Variants in RTTN observed in about 807,000 individuals in gnomAD.
RTTN encodes the protein rotatin.
In RTTN, 182 loss-of-function variants were observed where a neutral mutation model predicts 269.2. The observed-to-expected ratio is 0.68, with a 90% CI of 0.60 to 0.76. RTTN has a LOEUF of 0.76. Among genes scored for constraint, RTTN ranks in the 30% least tolerant of loss-of-function variants. The pLI, the probability that RTTN is intolerant of heterozygous loss-of-function variation, is 0.00. For missense variants in RTTN, 2,545 were observed against 2,608.6 expected (o/e 0.98, Z 0.53); for synonymous variants, 1,006 against 963.5 (o/e 1.04, Z -0.82).
At chr18:70,166,409 A>T (rs1013370525) in intron 13 of RTTN, 4 of 352,812 alleles carry the variant, frequency 1.1e-5, no homozygotes, top group Non-Finnish European at 2.0e-5. Flanking sequence ...AAATGTCTTT[A>T]AAATCCCCTA....
intron 32 of RTTN, among the ~76,000 whole-genome samples, chr18:70,075,845 C>A (rs1362932092): frequency 6.6e-6 from 1 of 151,844 alleles, no homozygotes; most frequent in Admixed American, 6.6e-5. Context: ...TATACTTGCA[C>A]CAAAAACACA....
chr18:70,132,160 C>T (rs546684087), intron 23 of RTTN, among the ~76,000 whole-genome samples: 83 of 152,048 alleles, frequency 5.5e-4, no homozygotes, highest in Non-Finnish European at 9.7e-4. Flanking sequence ...AATTACATGG[C>T]CTCAAAATAC....
At chr18:70,051,322 C>A (rs890553633) in intron 39 of RTTN, 89 bp downstream of exon 39, 4 of 1,411,230 alleles carry the variant, frequency 2.8e-6, no homozygotes, top group Non-Finnish European at 3.8e-6. Flanking sequence ...AATTACTTAA[C>A]TTTAGTGAAT....
intron 27 of RTTN, among the ~76,000 whole-genome samples, chr18:70,110,927 C>G (rs1213264198): frequency 6.6e-6 from 1 of 152,214 alleles, no homozygotes; most frequent in Non-Finnish European, 1.5e-5. Context: ...TTTACACTCA[C>G]AGTGTAAACT....
chr18:70,193,297 G>A lies in RTTN; in HGVS notation c.998C>T (p.Ala333Val), dbSNP rs577076002. The stretch of plus-strand genomic sequence containing the variant: ...CACTGCTAGCAGTCACCTAGAGGAC[G>A]CTGCATCCCAGTCCTGGCCATCTCC... Reference protein sequence around the residue: ...PRGDGQDWDAASSSGSSSHAH... With the variant: ...PRGDGQDWDAVSSSGSSSHAH... Residue 333 changes from alanine to valine, a missense_variant, in exon 8 of 49, where the codon GCG becomes GTG. Coordinates refer to ENST00000640769, the MANE Select transcript of RTTN (RefSeq NM_173630.4). The A allele has an allele frequency of 4.8e-5, 78 of 1,609,978 alleles. No homozygotes were observed. The South Asian group carries it at 5.0e-4, about 10-fold the overall frequency.
At position 70,092,120 on chromosome 18, in the gene RTTN, C is replaced by T. The variant is rs376532876; in HGVS notation, c.4133G>A (p.Arg1378Gln). The T allele has an allele frequency of 6.2e-6, 10 of 1,604,432 alleles. No individual in the cohort carries two copies. The highest frequency in any genetic ancestry group is 3.3e-5 in the Admixed American group (2 of 59,916). Reference protein sequence around the residue: ...LAWLIPLWVDRDPEVRFTSLG... With the variant: ...LAWLIPLWVDQDPEVRFTSLG... ...CTCCTTCACACTCACCTCTGGGTCC[C>T]GATCAACCCATAATGGAATCAACCA... Residue 1378 changes from arginine to glutamine, a missense_variant, in exon 30 of 49, where the codon CGG becomes CAG. By Grantham distance (43) the Arg-to-Gln change is conservative (BLOSUM62 1). Transcript: ENST00000640769.
intron 17 of RTTN, 103 bp from the exon 18 acceptor site, chr18:70,145,886 G>A: frequency 1.2e-6 from 1 of 850,846 alleles, no homozygotes; most frequent in Non-Finnish European, 1.8e-6. Flanking sequence ...AGTACAATAA[G>A]TAGTCACAAT....
intron 26 of RTTN, among the ~76,000 whole-genome samples, chr18:70,116,834 G>A (rs1302241175): frequency 6.6e-6 from 1 of 151,920 alleles, no homozygotes; most frequent in Non-Finnish European, 1.5e-5. Context: ...GCCAGCCAAG[G>A]AAAATATATA....
intron 14 of RTTN, among the ~76,000 whole-genome samples, chr18:70,159,847 A>G (rs557069341): frequency 6.6e-6 from 1 of 152,270 alleles, no homozygotes; most frequent in Admixed American, 6.5e-5. Context: ...TTCTGGAAAT[A>G]TACAAACTCC....
chr18:70,092,684 C>T lies in RTTN; in HGVS notation c.4024G>A (p.Gly1342Arg). The change falls in exon 29 of 49, where the codon GGG becomes AGG. Residue 1342 changes from glycine (G) to arginine (R), a missense_variant. By Grantham distance (125) the Gly-to-Arg change is moderately radical. Transcript: ENST00000640769. Reference sequence around the variant, plus strand: ...AGCTTTAACGCGCTCACCAAGCTCCCAGCCTGGGCCATCATCTCATGGGAT... The same window carrying T: ...AGCTTTAACGCGCTCACCAAGCTCCTAGCCTGGGCCATCATCTCATGGGAT... ...HLSHEMMAQA[G>R]SLEWMSLWFL... is the part of the protein sequence containing the mutation. The T allele has an allele frequency of 5.0e-6, 8 of 1,612,470 alleles. No homozygotes were observed. Among genetic ancestry groups the T allele is most frequent in the Non-Finnish European group, 6.8e-6 (8 of 1,178,874 alleles).
chr18:70,192,079 T>C (rs2061685018), intron 8 of RTTN, among the ~76,000 whole-genome samples: 1 of 152,152 alleles, frequency 6.6e-6, no homozygotes, highest in South Asian at 2.1e-4. Context: ...AGGATGATAA[T>C]AATAATACTA....
chr18:70,203,352 G>A (rs1193921971), intron 3 of RTTN, among the ~76,000 whole-genome samples: 2 of 152,048 alleles, frequency 1.3e-5, no homozygotes, highest in Admixed American at 6.6e-5. Context: ...ACAGGCGCCC[G>A]CCACTATGTC....
At chr18:70,013,474 C>T (rs1327114596) in intron 46 of RTTN, among the ~76,000 whole-genome samples, 1 of 142,604 alleles carries the variant, frequency 7.0e-6, no homozygotes, top group Non-Finnish European at 1.5e-5. Context: ...GCAAGTGGAT[C>T]GACTTTTTTA....
intron 43 of RTTN, among the ~76,000 whole-genome samples, chr18:70,027,228 T>C (rs1393217084): frequency 3.3e-5 from 5 of 152,184 alleles, no homozygotes; most frequent in Non-Finnish European, 7.3e-5. Flanking sequence ...GTTATGCATA[T>C]GCAAACAGCA....
intron 34 of RTTN, among the ~76,000 whole-genome samples, chr18:70,066,246 A>G (rs17082051): frequency 0.06 from 9,142 of 152,250 alleles, 328 homozygotes; most frequent in African/African-American, 0.1. Flanking sequence ...ATACCACCTT[A>G]ACTATAATTT....
In RTTN at chr18:70,103,519, G is replaced by A. The variant is rs372718203; in HGVS notation, c.3903+5979C>T. The stretch of plus-strand genomic sequence containing the variant: ...ACTCAGGGTTAAATGGATTAAGGGC[G>A]GTGCAAGATGTGCTTTGTTAAACAG... On this transcript the variant is annotated intron_variant, in intron 28 of 48. Transcript: ENST00000640769. 9.7e-4 allele frequency among the ~76,000 whole-genome samples: 147 copies of A among 152,014 alleles called. 1 individual carries two copies. Among genetic ancestry groups the A allele is most frequent in the Non-Finnish European group, 1.3e-3 (86 of 67,984 alleles).
intron 26 of RTTN, among the ~76,000 whole-genome samples, chr18:70,117,291 C>G (rs986913386): frequency 6.6e-5 from 10 of 152,048 alleles, no homozygotes; most frequent in Non-Finnish European, 1.2e-4. Flanking sequence ...CTTCTTAAAT[C>G]ATTTCTCACT....
At chr18:70,050,896 G>A (rs181817230) in intron 39 of RTTN, among the ~76,000 whole-genome samples, 6 of 152,234 alleles carry the variant, frequency 3.9e-5, no homozygotes, top group African/African-American at 1.2e-4. Context: ...CACAGGGTAG[G>A]GAACATCACA....
Position 70,139,596 on chromosome 18 carries a change from T to C in RTTN, c.2788+3A>G. ...AATTATTAGCAGATTTTCTTTTATT[T>C]ACCTCTGAATAACACGGTCAAAAGA... On this transcript the variant is annotated splice_donor_region_variant and intron_variant, in intron 21 of 48. Coordinates refer to ENST00000640769, the MANE Select transcript of RTTN (RefSeq NM_173630.4). 1.9e-6 allele frequency: 3 copies of C among 1,562,510 alleles called. No individual in the cohort carries two copies. Among genetic ancestry groups the C allele is most frequent in the Non-Finnish European group, 2.6e-6 (3 of 1,139,292 alleles).
Sources: gnomAD v4.1 joint callset for allele counts (sites outside exome capture counted in the v4.1 genomes callset) on GRCh38, gnomAD v4.1.1 for gene constraint, MANE v1.5 for transcripts, NCBI Gene and HGNC (gene_info 2026-07-23, HGNC 2026-07-21) for gene names.